The following GRIN2B variants were observed in gnomAD, a reference collection of about 807,000 sequenced individuals.
GRIN2B encodes glutamate receptor ionotropic, NMDA 2B.
In GRIN2B, 5 loss-of-function variants were observed where a neutral mutation model predicts 114.5. The ratio of observed to expected loss-of-function variants is 0.04; its 90% confidence interval spans 0.02 to 0.09. The LOEUF (loss-of-function observed/expected upper bound fraction) is 0.09. GRIN2B is among the 10% of genes least tolerant of loss of function. The probability of loss-of-function intolerance (pLI) is 1.00; values close to 1 mark genes in which losing one functional copy is unlikely to be tolerated. For synonymous variants in GRIN2B, 787 were observed against 745.1 expected (o/e 1.06, Z -0.92); for missense variants, 1,108 against 1,943.5 (o/e 0.57, Z 8.08).
chr12:13,694,660 T>C (rs1422340934), intron 4 of GRIN2B, among the ~76,000 whole-genome samples: 2,693 of 37,438 alleles, frequency 0.072, 223 homozygotes, highest in Non-Finnish European at 0.09. Flanking sequence ...AAATGTCATA[T>C]ATATATATAT....
chr12:13,579,024 C>CAGAA (rs764819815), intron 10 of GRIN2B, among the ~76,000 whole-genome samples: 92 of 151,676 alleles, frequency 6.1e-4, no homozygotes, highest in Non-Finnish European at 1.1e-3. Context: ...AGTGAGAGAA[C>CAGAA]AGAACAAGGG....
intron 3 of GRIN2B, among the ~76,000 whole-genome samples, chr12:13,847,900 T>C (rs932813424): frequency 2.6e-5 from 4 of 152,162 alleles, no homozygotes; most frequent in African/African-American, 9.7e-5. Context: ...CACCAATTTA[T>C]GTGGACTTCC....
At chr12:13,823,644 T>G (rs1468618600) in intron 3 of GRIN2B, among the ~76,000 whole-genome samples, 3 of 152,168 alleles carry the variant, frequency 2.0e-5, no homozygotes, top group Non-Finnish European at 4.4e-5. Flanking sequence ...CAATATTCTA[T>G]TTCTTTTTTG....
chr12:13,907,465 C>G (rs1310096406), intron 2 of GRIN2B, among the ~76,000 whole-genome samples: 1 of 150,302 alleles, frequency 6.7e-6, no homozygotes, highest in Non-Finnish European at 1.5e-5. Flanking sequence ...GCACCTCAGC[C>G]TAGGCAACAG....
At chr12:13,608,955 T>C in intron 9 of GRIN2B, 123 bp from the exon 10 acceptor site, 1 of 727,960 alleles carries the variant, frequency 1.4e-6, no homozygotes, top group Non-Finnish European at 2.4e-6. Flanking sequence ...ACCAAGCCCT[T>C]TTATAGACGG....
At chr12:13,720,448 G>C (rs150962460) in intron 4 of GRIN2B, among the ~76,000 whole-genome samples, 1 of 152,042 alleles carries the variant, frequency 6.6e-6, no homozygotes, top group African/African-American at 2.4e-5. Context: ...TTAATTCAGC[G>C]GCAGATTTAT....
At chr12:13,826,117 T>C (rs764054383) in intron 3 of GRIN2B, among the ~76,000 whole-genome samples, 7 of 152,144 alleles carry the variant, frequency 4.6e-5, no homozygotes, top group Non-Finnish European at 1.0e-4. Context: ...GCCATTGTTT[T>C]GATGGTTTCT....
rs191300012 is a variant in GRIN2B, at chr12:13,603,319, C to A, written c.2010+5284G>T. ...GGGGGAAAGGATCTAACTTGTTAGGCTTTGATTGATAAGGTAGATAGGAAT... is the reference window on the plus strand; with the variant it reads ...GGGGGAAAGGATCTAACTTGTTAGGATTTGATTGATAAGGTAGATAGGAAT... On this transcript the variant is annotated intron_variant, in intron 10 of 13. Coordinates refer to ENST00000609686, the MANE Select transcript of GRIN2B (RefSeq NM_000834.5). Among the ~76,000 whole-genome samples the A allele has an allele frequency of 3.9e-4, 60 of 152,130 alleles. 1 individual carries two copies. The highest frequency in any genetic ancestry group is 1.3e-3 in the African/African-American group (56 of 41,510).
chr12:13,759,132 C>T (rs1161466499), intron 3 of GRIN2B, among the ~76,000 whole-genome samples: 2 of 150,958 alleles, frequency 1.3e-5, no homozygotes, highest in Non-Finnish European at 2.9e-5. Context: ...CTCAGCCTCC[C>T]GAGTAGCTGG....
intron 3 of GRIN2B, among the ~76,000 whole-genome samples, chr12:13,812,415 CATT>C (rs1864748490): frequency 6.6e-6 from 1 of 152,180 alleles, no homozygotes; most frequent in Admixed American, 6.5e-5. Flanking sequence ...ATTACATTAT[CATT>C]TCCCACTATG....
At chr12:13,670,449 T>C (rs916889153) in intron 5 of GRIN2B, 2 of 152,260 alleles carry the variant, frequency 1.3e-5, no homozygotes, top group South Asian at 2.1e-4. Flanking sequence ...AAATGCACCA[T>C]CATCATTTCT....
rs1003077997 is a variant in GRIN2B, at chr12:13,542,273, G to A, written c.*20510C>T. 3 of 151,978 alleles carry A rather than the reference G, an allele frequency of 2.0e-5. No homozygotes were observed. The highest frequency in any genetic ancestry group is 2.0e-4 in the Admixed American group (3 of 15,250). 9.4% of individuals were successfully genotyped at this position (151,978 alleles called of 1,614,324 possible). ...TTTTTTTTTTAAAGATGAACAAGGA[G>A]TAAGGTAAGTAAGAACAAATAATTA... On this transcript the variant is annotated 3_prime_UTR_variant, in exon 14 of 14. Coordinates refer to ENST00000609686, the MANE Select transcript of GRIN2B (RefSeq NM_000834.5).
intron 4 of GRIN2B, among the ~76,000 whole-genome samples, chr12:13,723,376 C>CAAGACCA (rs1862914367): frequency 1.3e-5 from 2 of 152,022 alleles, no homozygotes; most frequent in Admixed American, 6.6e-5. Flanking sequence ...TGAATGACCA[C>CAAGACCA]TTGCTGTCAG....
At chr12:13,915,827 T>G (rs938807312) in intron 2 of GRIN2B, among the ~76,000 whole-genome samples, 3 of 151,988 alleles carry the variant, frequency 2.0e-5, no homozygotes, top group African/African-American at 7.2e-5. Flanking sequence ...TTTACTTGGA[T>G]TTTGCTACTA....
rs1355231384 is a variant in GRIN2B at position 13,547,735 on chromosome 12, A to G, written c.*15048T>C. 6.6e-6 allele frequency: 1 copy of G among 152,036 alleles called. No individual in the cohort carries two copies. Among genetic ancestry groups the G allele is most frequent in the Non-Finnish European group, 1.5e-5 (1 of 68,016 alleles). The allele number at this position is 152,036 out of a possible 1,614,324, so 9.4% of individuals were successfully genotyped here. ...TTGCTATGGCTTGTTTTACTGAAGTAAAGACACTGTAAATCTCAAAAATAC... is the reference window on the plus strand; with the variant it reads ...TTGCTATGGCTTGTTTTACTGAAGTGAAGACACTGTAAATCTCAAAAATAC... On this transcript the variant is annotated 3_prime_UTR_variant, in exon 14 of 14. Coordinates refer to ENST00000609686, the MANE Select transcript of GRIN2B (RefSeq NM_000834.5).
rs1375195534 is a variant in GRIN2B, at chr12:13,840,422, T to C, written c.411+25376A>G. On this transcript the variant is annotated intron_variant, in intron 3 of 13. Coordinates refer to ENST00000609686, the MANE Select transcript of GRIN2B (RefSeq NM_000834.5). ...TCAGTGCAGGGGACCTTGTGATTCG[T>C]AGACAAAGATACCTGATTTAGATCC... Among the ~76,000 whole-genome samples the C allele has an allele frequency of 3.9e-5, 6 of 152,164 alleles. No homozygotes were observed. In the East Asian group the frequency reaches 1.2e-3, roughly 29 times the overall value.
intron 4 of GRIN2B, among the ~76,000 whole-genome samples, chr12:13,719,565 G>C (rs1950489469): frequency 6.6e-6 from 1 of 151,980 alleles, no homozygotes; most frequent in African/African-American, 2.4e-5. Flanking sequence ...ACCTGAATAG[G>C]AGACCATCAC....
chr12:13,827,754 T>C, intron 3 of GRIN2B, among the ~76,000 whole-genome samples: 1 of 152,140 alleles, frequency 6.6e-6, no homozygotes, highest in Non-Finnish European at 1.5e-5. Context: ...TGATCTTGGC[T>C]CACTGCAACC....
intron 5 of GRIN2B, among the ~76,000 whole-genome samples, chr12:13,645,652 T>G (rs1949754365): frequency 6.6e-6 from 1 of 151,882 alleles, no homozygotes; most frequent in Non-Finnish European, 1.5e-5. Context: ...AATAAACAAT[T>G]TCTTTCTCCT....
Sources: gnomAD v4.1 joint callset for allele counts (sites outside exome capture counted in the v4.1 genomes callset) on GRCh38, gnomAD v4.1.1 for gene constraint, MANE v1.5 for transcripts, NCBI Gene and HGNC (gene_info 2026-07-23, HGNC 2026-07-21) for gene names.